Variants in RHOT1 observed in about 807,000 individuals in gnomAD.
RHOT1 encodes the protein mitochondrial Rho GTPase 1.
A neutral mutation model predicts 95.3 loss-of-function variants in RHOT1; 27 were observed. The observed-to-expected ratio is 0.28, with a 90% CI of 0.21 to 0.39. The LOEUF is 0.39. Ranked by LOEUF, RHOT1 falls within the 10% of genes least tolerant of loss-of-function variation. The pLI is 1.00. For missense variants in RHOT1, 578 were observed against 786.7 expected, an observed-to-expected ratio of 0.73 and a Z score of 3.17; for synonymous variants, 227 against 263.5, an observed-to-expected ratio of 0.86 and a Z score of 1.34.
At chr17:32,223,541 A>G (rs1598486854) in intron 19 of RHOT1, among the ~76,000 whole-genome samples, 1 of 151,662 alleles carries the variant, frequency 6.6e-6, no homozygotes, top group Non-Finnish European at 1.5e-5. Flanking sequence ...CAGCCTCCCA[A>G]GTAGCTGGGA....
chr17:32,215,366 A>G (rs2038404195), intron 19 of RHOT1, among the ~76,000 whole-genome samples: 2 of 152,090 alleles, frequency 1.3e-5, no homozygotes, highest in African/African-American at 4.8e-5. Context: ...TTCTCTTATT[A>G]CCCCACTGTC....
chr17:32,183,516 G>C (rs532451804), intron 8 of RHOT1, among the ~76,000 whole-genome samples: 2 of 152,210 alleles, frequency 1.3e-5, no homozygotes, highest in South Asian at 4.1e-4. Flanking sequence ...AAACAAACAA[G>C]AATTGGCAAC....
chr17:32,199,922 A>G (rs1053663127), intron 13 of RHOT1, among the ~76,000 whole-genome samples: 1 of 140,162 alleles, frequency 7.1e-6, no homozygotes, highest in Non-Finnish European at 1.6e-5. Context: ...TTTTTTTGTT[A>G]TTGTTTGTTT....
In RHOT1 at chr17:32,146,450, A is replaced by T. The variant is rs113934956; in HGVS notation, c.37+3721A>T. ...CTGTATTATTATTATTATTATTTTT[A>T]TTTTATTTTTTTTGAGATGGAGTCT... On this transcript the variant is annotated intron_variant, in intron 1 of 19. Transcript: ENST00000545287. 2.2e-3 allele frequency among the ~76,000 whole-genome samples: 327 copies of T among 151,122 alleles called. 2 individuals are homozygous for T. Among genetic ancestry groups the T allele is most frequent in the Admixed American group, 3.0e-3 (45 of 15,154 alleles).
chr17:32,167,918 T>C (rs917555275), intron 1 of RHOT1, among the ~76,000 whole-genome samples: 8 of 151,828 alleles, frequency 5.3e-5, no homozygotes, highest in African/African-American at 1.9e-4. Flanking sequence ...CCTGTGATAC[T>C]AGCTACTCAG....
chr17:32,208,260 G>T lies in RHOT1; in HGVS notation c.1690G>T (p.Ala564Ser), dbSNP rs2037891872. The change falls in exon 18 of 20, where the codon GCC becomes TCC. Residue 564 changes from alanine to serine, a missense_variant. This residue lies in a region of RHOT1 where 296 missense variants were observed against 338.5 expected (regional missense o/e 0.87). Transcript: ENST00000545287. Reference protein sequence around the residue: ...PQAFTCNTADAPSKDIFVKLT... With the variant: ...PQAFTCNTADSPSKDIFVKLT... ...AGCCTTCACTTGCAATACTGCTGATGCCCCCAGTAAGGATATCTTTGTTAA... is the reference window on the plus strand; with the variant it reads ...AGCCTTCACTTGCAATACTGCTGATTCCCCCAGTAAGGATATCTTTGTTAA... The T allele has an allele frequency of 6.2e-7, 1 of 1,614,034 alleles. No individual in the cohort carries two copies. Among genetic ancestry groups the T allele is most frequent in the Non-Finnish European group, 8.5e-7 (1 of 1,179,960 alleles).
At chr17:32,215,766 G>A (rs893858717) in intron 19 of RHOT1, among the ~76,000 whole-genome samples, 6 of 152,168 alleles carry the variant, frequency 3.9e-5, no homozygotes, top group Admixed American at 2.0e-4. Flanking sequence ...TTAATTGAAC[G>A]TATATTAACT....
intron 1 of RHOT1, among the ~76,000 whole-genome samples, chr17:32,164,475 G>C (rs1038250018): frequency 6.6e-6 from 1 of 151,700 alleles, no homozygotes; most frequent in Admixed American, 6.6e-5. Flanking sequence ...CTCATGATCC[G>C]CCCACCTCGG....
intron 19 of RHOT1, among the ~76,000 whole-genome samples, chr17:32,211,905 A>G (rs1290712586): frequency 1.3e-5 from 2 of 152,176 alleles, no homozygotes; most frequent in Admixed American, 6.5e-5. Flanking sequence ...GCTTTTAAGA[A>G]AGAAAGAGAA....
At chr17:32,199,297 A>ATT in intron 12 of RHOT1, 108 bp from the exon 13 acceptor site, 1 of 1,060,254 alleles carries the variant, frequency 9.4e-7, no homozygotes, top group South Asian at 1.5e-5. Flanking sequence ...ATTTGTTGTC[A>ATT]TTTATTAAGT....
At chr17:32,152,700 C>G (rs1284865373) in intron 1 of RHOT1, among the ~76,000 whole-genome samples, 1 of 152,016 alleles carries the variant, frequency 6.6e-6, no homozygotes, top group Non-Finnish European at 1.5e-5. Flanking sequence ...CTGAATTTTG[C>G]TAAGAGATCC....
intron 2 of RHOT1, chr17:32,173,009 A>G (rs757305428): frequency 6.6e-6 from 1 of 152,258 alleles, no homozygotes; most frequent in Non-Finnish European, 1.5e-5. Context: ...TGAAAACAAC[A>G]TATTTAAAAA....
At chr17:32,205,642 G>T (rs1291064645) in intron 16 of RHOT1, among the ~76,000 whole-genome samples, 1 of 152,220 alleles carries the variant, frequency 6.6e-6, no homozygotes, top group Non-Finnish European at 1.5e-5. Flanking sequence ...AAATACAGTA[G>T]AAGGAGGGTT....
At chr17:32,171,696 T>C (rs1251023532) in intron 2 of RHOT1, among the ~76,000 whole-genome samples, 1 of 152,236 alleles carries the variant, frequency 6.6e-6, no homozygotes, top group Non-Finnish European at 1.5e-5. Flanking sequence ...TGTGAATCCC[T>C]ACTTGCCTTC....
In RHOT1 at chr17:32,216,701, T is replaced by C. The variant is rs9889829; in HGVS notation, c.1862+5463T>C. 3.7e-3 allele frequency among the ~76,000 whole-genome samples: 562 copies of C among 152,270 alleles called. 2 individuals carry two copies. The highest frequency in any genetic ancestry group is 0.013 in the African/African-American group (530 of 41,570). On this transcript the variant is annotated intron_variant, in intron 19 of 19. Transcript: ENST00000545287. ...TGTAGTTTGAATTCATTACTTAATA[T>C]AGGAGCCCTTTATTGAAGAAAGGAT...
chr17:32,189,159 C>T lies in RHOT1; in HGVS notation c.541-3042C>T, dbSNP rs186257777. On this transcript the variant is annotated intron_variant, in intron 8 of 19. Transcript: ENST00000545287. ...TAAAAATACAAAAAAATTAGCTGGG[C>T]GTGGTGGCGGGCACCTGTAGCCCTA... Among the ~76,000 whole-genome samples the T allele has an allele frequency of 1.4e-4, 21 of 152,150 alleles. 1 individual carries two copies. In the East Asian group the frequency reaches 3.9e-3, roughly 28 times the overall value.
At chr17:32,197,962 A>G (rs1391074686) in intron 11 of RHOT1, among the ~76,000 whole-genome samples, 1 of 152,108 alleles carries the variant, frequency 6.6e-6, no homozygotes, top group South Asian at 2.1e-4. Context: ...TGGTGCAAAC[A>G]CGGCTCACTG....
At chr17:32,169,371 A>G (rs1369321334) in intron 1 of RHOT1, among the ~76,000 whole-genome samples, 1 of 152,224 alleles carries the variant, frequency 6.6e-6, no homozygotes, top group African/African-American at 2.4e-5. Context: ...TTATATGATC[A>G]GAAAGTGACG....
intron 1 of RHOT1, chr17:32,150,809 C>T: frequency 4.5e-6 from 7 of 1,545,098 alleles, no homozygotes; most frequent in Non-Finnish European, 5.3e-6. Flanking sequence ...GAGTTCCATG[C>T]CCAATTGGAA....
Sources: allele counts gnomAD v4.1 joint callset (sites outside exome capture counted in the v4.1 genomes callset), GRCh38; gene constraint gnomAD v4.1.1; regional missense constraint gnomAD v4.1.1; transcripts MANE v1.5; gene names NCBI Gene and HGNC (gene_info 2026-07-23, HGNC 2026-07-21).